ZUP1: variants seen among roughly 807,000 people sequenced by gnomAD.
ZUP1 encodes the protein zinc finger containing ubiquitin peptidase 1.
Under a neutral mutation model 68.1 loss-of-function variants are expected in ZUP1, and 55 were observed. That is an observed-to-expected ratio of 0.81 (90% CI 0.65 to 1.01). ZUP1 has a LOEUF of 1.01. Among genes scored for constraint, ZUP1 ranks in the 50% least tolerant of loss-of-function variants. The pLI is 0.00. For synonymous variants in ZUP1, 223 were observed against 221.5 expected (o/e 1.01, Z -0.06); for missense variants, 684 against 674.9 (o/e 1.01, Z -0.15).
intron 9 of ZUP1, among the ~76,000 whole-genome samples, chr6:116,641,067 C>T (rs1288148927): frequency 2.0e-5 from 3 of 149,312 alleles, no homozygotes; most frequent in Non-Finnish European, 4.4e-5. Flanking sequence ...GACTTTAAAT[C>T]AACAAAGATC....
intron 9 of ZUP1, among the ~76,000 whole-genome samples, chr6:116,642,522 C>A (rs2115383423): frequency 6.6e-6 from 1 of 152,268 alleles, no homozygotes; most frequent in East Asian, 1.9e-4. Flanking sequence ...GGATGCAAGG[C>A]TGGTTCAATA....
chr6:116,648,185 G>A (rs1389516228), intron 7 of ZUP1, among the ~76,000 whole-genome samples: 4 of 151,968 alleles, frequency 2.6e-5, no homozygotes, highest in African/African-American at 4.8e-5. Flanking sequence ...ATTTGCCACC[G>A]GACCACCGTG....
At chr6:116,659,523 G>A (rs1338166160) in intron 3 of ZUP1, among the ~76,000 whole-genome samples, 2 of 151,842 alleles carry the variant, frequency 1.3e-5, no homozygotes, top group Non-Finnish European at 2.9e-5. Context: ...ATTATTTACT[G>A]AGGAAACCAG....
At chr6:116,638,631 T>C (rs1425010433) in intron 9 of ZUP1, among the ~76,000 whole-genome samples, 1 of 152,226 alleles carries the variant, frequency 6.6e-6, no homozygotes, top group Non-Finnish European at 1.5e-5. Context: ...TCTTACTATA[T>C]GTTTACATTA....
chr6:116,637,934 C>T (rs144373156), intron 9 of ZUP1, among the ~76,000 whole-genome samples: 1,799 of 152,136 alleles, frequency 0.012, 20 homozygotes, highest in Middle Eastern at 0.02. Context: ...TGGTGGCACA[C>T]GCCTGTAATC....
intron 2 of ZUP1, among the ~76,000 whole-genome samples, chr6:116,664,209 T>C (rs1583380701): frequency 6.6e-6 from 1 of 152,190 alleles, no homozygotes; most frequent in East Asian, 1.9e-4. Flanking sequence ...GGTAGGTGGA[T>C]CATCTGAGGT....
intron 7 of ZUP1, among the ~76,000 whole-genome samples, chr6:116,650,492 G>A (rs1010370793): frequency 1.4e-5 from 2 of 146,518 alleles, no homozygotes; most frequent in Non-Finnish European, 3.0e-5. Flanking sequence ...AGAAAACAGA[G>A]ACATTATAAT....
chr6:116,644,703 T>C (rs1184997184), intron 9 of ZUP1, among the ~76,000 whole-genome samples: 2 of 138,452 alleles, frequency 1.4e-5, no homozygotes, highest in South Asian at 4.6e-4. Context: ...GTGGGGGGAG[T>C]GGGGAGGGAT....
At chr6:116,659,488 G>GT (rs1359625579) in intron 3 of ZUP1, among the ~76,000 whole-genome samples, 2 of 151,938 alleles carry the variant, frequency 1.3e-5, no homozygotes, top group Non-Finnish European at 2.9e-5. Context: ...TTTGATCTTT[G>GT]TAACAATCTT....
At chr6:116,644,785 C>G (rs1166812170) in intron 9 of ZUP1, among the ~76,000 whole-genome samples, 2 of 151,328 alleles carry the variant, frequency 1.3e-5, no homozygotes, top group African/African-American at 4.9e-5. Context: ...CACATGTATA[C>G]ATATGTAACT....
intron 9 of ZUP1, among the ~76,000 whole-genome samples, chr6:116,643,832 A>G (rs1441292812): frequency 6.6e-6 from 1 of 152,230 alleles, no homozygotes. Flanking sequence ...GCCAAAATTG[A>G]CAAATGGGAT....
At chr6:116,657,024 CAA>C (rs779429729) in intron 4 of ZUP1, among the ~76,000 whole-genome samples, 172 bp from the exon 5 acceptor site, 1,337 of 87,290 alleles carry the variant, frequency 0.015, 8 homozygotes, top group Non-Finnish European at 0.027. Flanking sequence ...CACACACACA[CAA>C]AAAAAAATTA....
chr6:116,654,311 T>G (rs1048056860), intron 5 of ZUP1, among the ~76,000 whole-genome samples: 1 of 151,914 alleles, frequency 6.6e-6, no homozygotes, highest in African/African-American at 2.4e-5. Context: ...AAAATGCAGA[T>G]TCAATAAATG....
intron 2 of ZUP1, 57 bp from the exon 3 acceptor site, chr6:116,660,903 G>GTT: frequency 9.4e-7 from 1 of 1,064,134 alleles, no homozygotes; most frequent in Non-Finnish European, 1.3e-6. Context: ...TTTTTTCTTT[G>GTT]CTTTTTTTTT....
At chr6:116,651,959 T>C (rs1286817392) in intron 6 of ZUP1, 45 bp downstream of exon 6, 1 of 1,577,000 alleles carries the variant, frequency 6.3e-7, no homozygotes, top group Non-Finnish European at 8.7e-7. Flanking sequence ...CTATATCATA[T>C]GTATTTTATC....
intron 9 of ZUP1, among the ~76,000 whole-genome samples, chr6:116,643,741 G>A (rs1776196862): frequency 6.6e-6 from 1 of 152,288 alleles, no homozygotes; most frequent in African/African-American, 2.4e-5. Context: ...AACCCTAGAA[G>A]AAAACCTAGG....
chr6:116,647,906 T>C (rs1776363674), intron 7 of ZUP1, among the ~76,000 whole-genome samples: 2 of 152,204 alleles, frequency 1.3e-5, no homozygotes, highest in South Asian at 4.1e-4. Context: ...ACAAACATTC[T>C]CTGATATATA....
In ZUP1 at chr6:116,648,688, G is replaced by A. The variant is rs1009978614; in HGVS notation, c.1317-1078C>T. Among the ~76,000 whole-genome samples the A allele has an allele frequency of 7.9e-5, 12 of 152,266 alleles. No homozygotes were observed. In the East Asian group the frequency reaches 2.3e-3, roughly 29 times the overall value. ...AGCTGGACAAAAATTACGGCTGGGT[G>A]CAGTGGCTCACGCCTGTGATCCCAG... On this transcript the variant is annotated intron_variant, in intron 7 of 9. Transcript: ENST00000368576.
chr6:116,652,527 C>T (rs557253162), intron 5 of ZUP1, among the ~76,000 whole-genome samples: 1 of 152,048 alleles, frequency 6.6e-6, no homozygotes, highest in African/African-American at 2.4e-5. Flanking sequence ...CAATTTGCTC[C>T]CAATCAAAAA....
Sources: gnomAD v4.1 joint callset for allele counts (sites outside exome capture counted in the v4.1 genomes callset) on GRCh38, gnomAD v4.1.1 for gene constraint, MANE v1.5 for transcripts, NCBI Gene and HGNC (gene_info 2026-07-23, HGNC 2026-07-21) for gene names.